CNNM2: variants seen among roughly 807,000 people sequenced by gnomAD.
CNNM2 encodes metal transporter CNNM2.
Under a neutral mutation model 66.9 loss-of-function variants are expected in CNNM2, and 12 were observed. The observed-to-expected ratio is 0.18, with a 90% confidence interval of 0.11 to 0.29. The LOEUF is 0.29. Among genes scored for constraint, CNNM2 ranks in the 10% least tolerant of loss-of-function variants. CNNM2 has a pLI of 1.00. For missense variants in CNNM2, 705 were observed against 1,167.7 expected (o/e 0.60, Z 5.77); for synonymous variants, 557 against 501.8 (o/e 1.11, Z -1.47).
Position 103,079,395 on chromosome 10 carries a change from T to C in CNNM2, c.*2215T>C, listed in dbSNP as rs943035. On this transcript the variant is annotated 3_prime_UTR_variant, in exon 8 of 8. Transcript: ENST00000369878. ...AGGAACTCTGCCCTGTCAACCTATC[T>C]GGGCTCACGTCTGCTTCTCCACACA... 0.41 allele frequency: 61,649 copies of C among 152,106 alleles called. 12,670 individuals are homozygous for C. The highest frequency in any genetic ancestry group is 0.49 in the East Asian group (2,502 of 5,144). The allele number at this position is 152,106 out of a possible 1,614,324, so 9.4% of individuals were successfully genotyped here.
At chr10:102,987,481 T>C (rs1179388322) in intron 1 of CNNM2, among the ~76,000 whole-genome samples, 2 of 151,874 alleles carry the variant, frequency 1.3e-5, no homozygotes, top group Non-Finnish European at 2.9e-5. Flanking sequence ...CCACCACGCC[T>C]GGCTAATTTT....
chr10:103,074,342 A>G (rs1452476879), intron 6 of CNNM2, among the ~76,000 whole-genome samples: 1 of 152,218 alleles, frequency 6.6e-6, no homozygotes, highest in African/African-American at 2.4e-5. Context: ...TTACAGATAA[A>G]GAATCTGAAA....
chr10:102,930,131 C>T (rs1846016681), intron 1 of CNNM2, among the ~76,000 whole-genome samples: 2 of 152,230 alleles, frequency 1.3e-5, no homozygotes, highest in African/African-American at 4.8e-5. Flanking sequence ...AAGTAAATAT[C>T]TAACACTTCA....
At chr10:102,976,425 C>CTTTTTTTTTTTTTTTTTTTTTTTTTTTT (rs1206577839) in intron 1 of CNNM2, among the ~76,000 whole-genome samples, 1 of 34,690 alleles carries the variant, frequency 2.9e-5, no homozygotes, top group Non-Finnish European at 5.1e-5. Flanking sequence ...CAATTCTTGC[C>CTTTTTTTTTTTTTTTTTTTTTTTTTTTT]TTTTTTTTTT....
At chr10:103,059,958 A>G (rs2065356813) in intron 4 of CNNM2, among the ~76,000 whole-genome samples, 1 of 152,022 alleles carries the variant, frequency 6.6e-6, no homozygotes, top group Admixed American at 6.6e-5. Context: ...CTACAGAGCA[A>G]GATCCCCTTC....
At position 103,017,963 on chromosome 10, in the gene CNNM2, C is replaced by CAAAAAA. The variant is rs59984156; in HGVS notation, c.1622-31731_1622-31726dup. ...TGGGGGACAGAGCAAGAATCTGTCT[C>CAAAAAA]AAAAAAAAAAAAAAAAAAGGCAAGC... is the stretch of plus-strand genomic sequence containing the variant. On this transcript the variant is annotated intron_variant, in intron 1 of 7. Transcript: ENST00000369878. 2.5e-3 allele frequency among the ~76,000 whole-genome samples: 199 copies of CAAAAAA among 78,802 alleles called. 5 individuals are homozygous for CAAAAAA. Among genetic ancestry groups the CAAAAAA allele is most frequent in the Non-Finnish European group, 3.7e-3 (155 of 41,982 alleles). The allele number at this position is 78,802 out of a possible 152,430, so 51.7% of individuals were successfully genotyped here.
intron 4 of CNNM2, among the ~76,000 whole-genome samples, chr10:103,059,263 C>T (rs766308165): frequency 3.9e-5 from 6 of 152,132 alleles, no homozygotes; most frequent in East Asian, 3.9e-4. Flanking sequence ...CATGAGCCAC[C>T]GCGTCTGGCC....
At chr10:102,921,732 G>A (rs1038484115) in intron 1 of CNNM2, among the ~76,000 whole-genome samples, 2 of 152,098 alleles carry the variant, frequency 1.3e-5, no homozygotes, top group Admixed American at 6.5e-5. Context: ...TCTTTCTATT[G>A]CTAAATTTCC....
At chr10:102,929,137 G>A (rs549554756) in intron 1 of CNNM2, among the ~76,000 whole-genome samples, 232 of 152,266 alleles carry the variant, frequency 1.5e-3, no homozygotes, top group African/African-American at 5.1e-3. Context: ...GCATGTGCCT[G>A]TAGTCCCAGC....
chr10:103,002,969 A>G (rs2064151253), intron 1 of CNNM2, among the ~76,000 whole-genome samples: 1 of 152,214 alleles, frequency 6.6e-6, no homozygotes. Context: ...TCATAGCGGC[A>G]TTATTTATAA....
At chr10:103,073,185 G>A (rs1392065738) in intron 6 of CNNM2, among the ~76,000 whole-genome samples, 1 of 152,196 alleles carries the variant, frequency 6.6e-6, no homozygotes, top group Non-Finnish European at 1.5e-5. Context: ...TCTTGGCAGA[G>A]GAGAGGGTCC....
chr10:102,919,569 C>T lies in CNNM2; in HGVS notation c.1089C>T (p.Ile363=), dbSNP rs746963873. The T allele has an allele frequency of 3.7e-6, 6 of 1,613,592 alleles. No individual in the cohort carries two copies. The highest frequency in any genetic ancestry group is 5.1e-6 in the Non-Finnish European group (6 of 1,180,036). ...TCGGAGAGATCGTGCCCCAGGCCAT[C>T]TGCTCCCGGCATGGCCTGGCTGTGG... is the stretch of plus-strand genomic sequence containing the variant. ...VIFGEIVPQA[I]CSRHGLAVGA... The change falls in exon 1 of 8, where the codon ATC becomes ATT. Residue 363 remains isoleucine (I), a synonymous_variant. Transcript: ENST00000369878.
chr10:102,957,747 A>T (rs1386426389), intron 1 of CNNM2, among the ~76,000 whole-genome samples: 2 of 152,150 alleles, frequency 1.3e-5, no homozygotes, highest in South Asian at 2.1e-4. Flanking sequence ...TTTAATTTTG[A>T]TGCAGTTTAA....
chr10:103,019,972 C>G (rs2064539071), intron 1 of CNNM2, among the ~76,000 whole-genome samples: 1 of 152,146 alleles, frequency 6.6e-6, no homozygotes, highest in Non-Finnish European at 1.5e-5. Flanking sequence ...CCATTAGGTT[C>G]TAATTGTTTT....
chr10:102,972,505 C>T (rs1255324748), intron 1 of CNNM2, among the ~76,000 whole-genome samples: 7 of 152,148 alleles, frequency 4.6e-5, no homozygotes, highest in South Asian at 2.1e-4. Context: ...GGCGTGGTGG[C>T]GGGCGCCTGT....
At chr10:102,927,469 G>A in intron 1 of CNNM2, 2 of 1,599,992 alleles carry the variant, frequency 1.3e-6, no homozygotes, top group Non-Finnish European at 1.7e-6. Context: ...ATAAAAAGGG[G>A]TGGCAGTTGG....
intron 1 of CNNM2, among the ~76,000 whole-genome samples, chr10:102,989,467 T>A (rs773505781): frequency 1.4e-4 from 21 of 151,780 alleles, no homozygotes; most frequent in South Asian, 4.2e-4. Context: ...AATATTTGCT[T>A]TATGTTCTTA....
At chr10:103,059,763 C>T (rs1007061633) in intron 4 of CNNM2, among the ~76,000 whole-genome samples, 2 of 151,924 alleles carry the variant, frequency 1.3e-5, no homozygotes, top group African/African-American at 4.8e-5. Flanking sequence ...AAAAAAAAGT[C>T]ATAGTTTTAA....
intron 1 of CNNM2, among the ~76,000 whole-genome samples, chr10:102,939,086 T>A (rs1846339665): frequency 6.6e-6 from 1 of 152,184 alleles, no homozygotes; most frequent in African/African-American, 2.4e-5. Context: ...CCAAACCAGG[T>A]ATGAGTAGCA....
Sources: gnomAD v4.1 joint callset for allele counts (sites outside exome capture counted in the v4.1 genomes callset) on GRCh38, gnomAD v4.1.1 for gene constraint, MANE v1.5 for transcripts, NCBI Gene and HGNC (gene_info 2026-07-23, HGNC 2026-07-21) for gene names.